Variants in NDRG1 observed in about 807,000 individuals in gnomAD.
The protein encoded by NDRG1 is protein NDRG1.
Under a neutral mutation model 56.9 loss-of-function variants are expected in NDRG1, and 32 were observed. That is an observed-to-expected ratio of 0.56 (90% CI 0.42 to 0.76). The LOEUF (loss-of-function observed/expected upper bound fraction) is 0.76. Ranked by LOEUF, NDRG1 falls within the 30% of genes least tolerant of loss-of-function variation. NDRG1 has a pLI of 0.00. For synonymous variants in NDRG1, 211 were observed against 204.1 expected, an observed-to-expected ratio of 1.03 and a Z score of -0.29; for missense variants, 507 against 545.7, an observed-to-expected ratio of 0.93 and a Z score of 0.71.
chr8:133,239,423 C>T, intron 15 of NDRG1: 1 of 564,696 alleles, frequency 1.8e-6, no homozygotes, highest in Non-Finnish European at 3.2e-6. Context: ...CCCCCTGAGC[C>T]TCCCTGTTCC....
chr8:133,273,516 C>A (rs964537459), intron 3 of NDRG1, among the ~76,000 whole-genome samples: 1 of 152,202 alleles, frequency 6.6e-6, no homozygotes, highest in African/African-American at 2.4e-5. Context: ...CCTCCCTCAA[C>A]AAGGTTTCAT....
intron 9 of NDRG1, among the ~76,000 whole-genome samples, chr8:133,252,865 C>A (rs1417200007): frequency 6.7e-5 from 10 of 150,196 alleles, no homozygotes; most frequent in Non-Finnish European, 1.5e-4. Context: ...CAGAGTGGGG[C>A]CTCTATTGCC....
intron 13 of NDRG1, 151 bp from the exon 14 acceptor site, chr8:133,244,541 G>A: frequency 1.2e-6 from 1 of 868,768 alleles, no homozygotes; most frequent in Non-Finnish European, 1.9e-6. Flanking sequence ...CCGTGGGTAG[G>A]GAACACTCCA....
intron 3 of NDRG1, among the ~76,000 whole-genome samples, chr8:133,272,591 C>A (rs1857249836): frequency 6.6e-6 from 1 of 152,220 alleles, no homozygotes; most frequent in Non-Finnish European, 1.5e-5. Flanking sequence ...GGCCTGGACA[C>A]ACCTCGGAGG....
At chr8:133,259,323 A>C in intron 5 of NDRG1, 93 bp from the exon 6 acceptor site, 1 of 1,313,564 alleles carries the variant, frequency 7.6e-7, no homozygotes, top group Non-Finnish European at 1.1e-6. Flanking sequence ...ACCATGCAGC[A>C]GCCTGCCCCA....
chr8:133,255,718 A>G, intron 8 of NDRG1: 1 of 210,158 alleles, frequency 4.8e-6, no homozygotes, highest in Admixed American at 5.4e-5. Context: ...AGGGCAGGGG[A>G]TGGGGCAAGA....
rs750372432 is a variant in NDRG1 at position 133,248,727 on chromosome 8, G to C, written c.743C>G (p.Thr248Arg). Residue 248 changes from threonine to arginine, a missense_variant, in exon 11 of 16, where the codon ACA becomes AGA. Thr to Arg is a moderately conservative substitution (Grantham distance 71). Coordinates refer to ENST00000323851, the MANE Select transcript of NDRG1 (RefSeq NM_006096.4). ...AAAAGCCACTCACTGCAGGGTGACT[G>C]TGTGGGTTCCCGGCATTGGTCGCTC... ...EIERPMPGTH[T>R]VTLQCPALLV... 6.2e-7 allele frequency: 1 copy of C among 1,614,212 alleles called. No homozygotes were observed. The highest frequency in any genetic ancestry group is 8.5e-7 in the Non-Finnish European group (1 of 1,180,036).
chr8:133,288,096 TACTC>T (rs1445255573), intron 1 of NDRG1, among the ~76,000 whole-genome samples: 10 of 152,154 alleles, frequency 6.6e-5, no homozygotes, highest in African/African-American at 1.9e-4. Flanking sequence ...CATTCTCACA[TACTC>T]ACACTTTCTT....
At chr8:133,243,673 GA>G (rs1855504991) in intron 14 of NDRG1, among the ~76,000 whole-genome samples, 1 of 151,804 alleles carries the variant, frequency 6.6e-6, no homozygotes. Context: ...AGTAGAGAAA[GA>G]AAAAAAGGAG....
chr8:133,265,318 G>A (rs1202059550), intron 3 of NDRG1, among the ~76,000 whole-genome samples: 4 of 152,218 alleles, frequency 2.6e-5, no homozygotes, highest in African/African-American at 7.2e-5. Context: ...ATGGAGCAAG[G>A]TTGGGAGGGC....
intron 3 of NDRG1, among the ~76,000 whole-genome samples, chr8:133,279,755 T>A (rs1857675421): frequency 6.6e-6 from 1 of 152,186 alleles, no homozygotes; most frequent in Non-Finnish European, 1.5e-5. Flanking sequence ...GAGAGCCTAT[T>A]CTTGGACACA....
At chr8:133,252,556 C>T (rs56361732) in intron 9 of NDRG1, among the ~76,000 whole-genome samples, 5,110 of 151,412 alleles carry the variant, frequency 0.034, 233 homozygotes, top group African/African-American at 0.12. Context: ...CTCTGTTCCC[C>T]TGGTACACTC....
intron 2 of NDRG1, among the ~76,000 whole-genome samples, chr8:133,282,222 C>A (rs1404841057): frequency 6.6e-6 from 1 of 152,188 alleles, no homozygotes; most frequent in Non-Finnish European, 1.5e-5. Flanking sequence ...CCCTTGGACC[C>A]AGCGATGCCA....
Position 133,246,613 on chromosome 8 carries a change from T to C in NDRG1, c.855+3A>G, listed in dbSNP as rs765313415. 1.2e-6 allele frequency: 2 copies of C among 1,614,138 alleles called. No homozygotes were observed. The highest frequency in any genetic ancestry group is 2.2e-5 in the East Asian group (1 of 44,884). Reference sequence around the variant, plus strand: ...ACACGAACCCCCACTGTTTTCCCTGTACCTTGAGGAGAGTGGTCTTTGTTG... The same window carrying C: ...ACACGAACCCCCACTGTTTTCCCTGCACCTTGAGGAGAGTGGTCTTTGTTG... On this transcript the variant is annotated splice_donor_region_variant and intron_variant, in intron 13 of 15. Transcript: ENST00000323851.
chr8:133,293,678 C>T (rs934406014), intron 1 of NDRG1, among the ~76,000 whole-genome samples: 9 of 152,192 alleles, frequency 5.9e-5, no homozygotes, highest in African/African-American at 2.2e-4. Flanking sequence ...CTTCTCTCCC[C>T]TGTCATTCCA....
At chr8:133,291,760 T>C (rs1400206148) in intron 1 of NDRG1, among the ~76,000 whole-genome samples, 1 of 152,188 alleles carries the variant, frequency 6.6e-6, no homozygotes, top group Admixed American at 6.5e-5. Flanking sequence ...GCATCAGTGA[T>C]GTTTGATATT....
chr8:133,244,401 G>A lies in NDRG1; in HGVS notation c.856-11C>T. 1.2e-6 allele frequency: 2 copies of A among 1,614,216 alleles called. No homozygotes were observed. The highest frequency in any genetic ancestry group is 1.1e-5 in the South Asian group (1 of 91,092). On this transcript the variant is annotated splice_polypyrimidine_tract_variant and intron_variant, in intron 13 of 15. Coordinates refer to ENST00000323851, the MANE Select transcript of NDRG1 (RefSeq NM_006096.4). ...GCCACAGTCCGCCATCTAGGAGAGAGGGAAGCTCGTTAGTGCCAAACACCA... is the reference window on the plus strand; with the variant it reads ...GCCACAGTCCGCCATCTAGGAGAGAAGGAAGCTCGTTAGTGCCAAACACCA...
chr8:133,268,774 C>T (rs1857041820), intron 3 of NDRG1, among the ~76,000 whole-genome samples: 1 of 152,072 alleles, frequency 6.6e-6, no homozygotes, highest in Non-Finnish European at 1.5e-5. Context: ...CGGTCCTCCA[C>T]TCAGTTCCTG....
intron 3 of NDRG1, among the ~76,000 whole-genome samples, chr8:133,279,507 T>C (rs34677546): frequency 0.13 from 19,791 of 152,220 alleles, 1,446 homozygotes; most frequent in Middle Eastern, 0.18. Flanking sequence ...GTGCAACACA[T>C]GGGTAGCGGT....
Sources: allele counts gnomAD v4.1 joint callset (sites outside exome capture counted in the v4.1 genomes callset), GRCh38; gene constraint gnomAD v4.1.1; transcripts MANE v1.5; gene names NCBI Gene and HGNC (gene_info 2026-07-23, HGNC 2026-07-21).